ENTREP2: variants seen among roughly 807,000 people sequenced by gnomAD.
ENTREP2 encodes the protein endosomal transmembrane epsin interactor 2, also known as protein ENTREP2.
chr15:29,390,389 G>A, the ENTREP2 span, among the ~76,000 whole-genome samples: 1 of 152,010 alleles, frequency 6.6e-6, no homozygotes, highest in Non-Finnish European at 1.5e-5. Flanking sequence ...AACGAAGAGG[G>A]TTGGGGAAGA....
At chr15:29,618,401 C>T in the ENTREP2 span, among the ~76,000 whole-genome samples, 24 of 147,008 alleles carry the variant, frequency 1.6e-4, no homozygotes, top group East Asian at 3.8e-3. Flanking sequence ...CCAGTTCAGG[C>T]GACAGTGTGA....
At chr15:29,604,482 A>T in the ENTREP2 span, among the ~76,000 whole-genome samples, 3 of 152,244 alleles carry the variant, frequency 2.0e-5, no homozygotes, top group Non-Finnish European at 2.9e-5. Context: ...CTACGTAGAT[A>T]CCATCTTATT....
chr15:29,401,131 T>C, the ENTREP2 span, among the ~76,000 whole-genome samples: 82 of 152,232 alleles, frequency 5.4e-4, no homozygotes, highest in Non-Finnish European at 8.1e-4. Context: ...GAGAAAATAA[T>C]GGCTCGCTAC....
chr15:29,514,004 G>A, the ENTREP2 span, among the ~76,000 whole-genome samples: 609 of 152,302 alleles, frequency 4.0e-3, 6 homozygotes, highest in African/African-American at 0.013. Context: ...TGAGTGCTCC[G>A]GGGGAAAAAC....
the ENTREP2 span, among the ~76,000 whole-genome samples, chr15:29,155,935 G>A: frequency 6.6e-6 from 1 of 152,140 alleles, no homozygotes; most frequent in Non-Finnish European, 1.5e-5. Flanking sequence ...AGGACTAGGC[G>A]GACTGCCTTA....
the ENTREP2 span, among the ~76,000 whole-genome samples, chr15:29,549,611 G>C: frequency 1.3e-5 from 2 of 152,140 alleles, no homozygotes; most frequent in South Asian, 4.1e-4. Flanking sequence ...AGAGTTCACA[G>C]ACTAGTGCTG....
chr15:29,497,952 T>A, the ENTREP2 span, among the ~76,000 whole-genome samples: 1 of 152,186 alleles, frequency 6.6e-6, no homozygotes, highest in Non-Finnish European at 1.5e-5. Flanking sequence ...CTGCATCACC[T>A]ATGATAAGAT....
chr15:29,579,682 G>C, the ENTREP2 span, among the ~76,000 whole-genome samples: 2 of 107,344 alleles, frequency 1.9e-5, no homozygotes, highest in African/African-American at 8.6e-5. Context: ...ACCACACCCA[G>C]CTAATTTTTT....
the ENTREP2 span, chr15:29,196,515 T>C: frequency 6.4e-7 from 1 of 1,551,714 alleles, no homozygotes; most frequent in Non-Finnish European, 8.7e-7. Context: ...GCCGGACGAC[T>C]GGTGCTGCAG....
the ENTREP2 span, among the ~76,000 whole-genome samples, chr15:29,346,258 T>C: frequency 6.6e-6 from 1 of 152,156 alleles, no homozygotes; most frequent in Non-Finnish European, 1.5e-5. Flanking sequence ...GCAGAGCATG[T>C]CACCAATTAC....
the ENTREP2 span, among the ~76,000 whole-genome samples, chr15:29,641,805 C>A: frequency 6.8e-6 from 1 of 146,326 alleles, no homozygotes; most frequent in Non-Finnish European, 1.5e-5. Context: ...GCACTCCACC[C>A]TGGGCAACAG....
chr15:29,416,738 A>C, the ENTREP2 span, among the ~76,000 whole-genome samples: 1 of 152,302 alleles, frequency 6.6e-6, no homozygotes, highest in East Asian at 1.9e-4. Flanking sequence ...AAATTTTTGC[A>C]ATCTACTCAT....
At chr15:29,389,388 C>T in the ENTREP2 span, among the ~76,000 whole-genome samples, 1 of 152,072 alleles carries the variant, frequency 6.6e-6, no homozygotes, top group East Asian at 1.9e-4. Context: ...CAGACCTCTC[C>T]AGGAGGGGCA....
At chr15:29,481,538 G>C in the ENTREP2 span, among the ~76,000 whole-genome samples, 1 of 152,178 alleles carries the variant, frequency 6.6e-6, no homozygotes, top group Non-Finnish European at 1.5e-5. Context: ...AGATTAGTGT[G>C]AATACTGTAC....
chr15:29,237,181 A>G, the ENTREP2 span, among the ~76,000 whole-genome samples: 3 of 152,120 alleles, frequency 2.0e-5, no homozygotes, highest in African/African-American at 4.8e-5. Flanking sequence ...TGTTTTGCCC[A>G]TTTTCTAATT....
At chr15:29,411,339 C>T in the ENTREP2 span, among the ~76,000 whole-genome samples, 1 of 152,068 alleles carries the variant, frequency 6.6e-6, no homozygotes. Context: ...TCTCCTGATC[C>T]ACATTCTGTC....
the ENTREP2 span, among the ~76,000 whole-genome samples, chr15:29,181,010 T>C: frequency 3.3e-5 from 5 of 151,686 alleles, no homozygotes; most frequent in East Asian, 9.7e-4. Context: ...GATCAATAAA[T>C]ATTAAGCTGG....
chr15:29,568,980 G>A, the ENTREP2 span, among the ~76,000 whole-genome samples: 76 of 152,312 alleles, frequency 5.0e-4, 1 homozygote, highest in Non-Finnish European at 6.0e-4. Flanking sequence ...GGAGGAGCCA[G>A]GAAGTGGAGC....
chr15:29,202,652 C>G, the ENTREP2 span, among the ~76,000 whole-genome samples: 4 of 152,100 alleles, frequency 2.6e-5, no homozygotes, highest in African/African-American at 9.7e-5. Context: ...CAACCCCTGA[C>G]AGGCCCTGGT....
Sources: allele counts gnomAD v4.1 joint callset (sites outside exome capture counted in the v4.1 genomes callset), GRCh38; gene constraint gnomAD v4.1.1; transcripts MANE v1.5; gene names NCBI Gene and HGNC (gene_info 2026-07-23, HGNC 2026-07-21).